Variants in OPCML observed in about 807,000 individuals in gnomAD.
OPCML encodes opioid binding protein/cell adhesion molecule like.
Under a neutral mutation model 37.8 loss-of-function variants are expected in OPCML, and 13 were observed. That is an observed-to-expected ratio of 0.34 (90% confidence interval 0.22 to 0.55). OPCML has a LOEUF of 0.55. OPCML is among the 20% of genes least tolerant of loss of function. The pLI, the probability that OPCML is intolerant of heterozygous loss-of-function variation, is 0.91. For missense variants in OPCML, 341 were observed against 435.6 expected (o/e 0.78, Z 1.93); for synonymous variants, 176 against 168.8 (o/e 1.04, Z -0.33).
At position 133,288,196 on chromosome 11, in the gene OPCML, C is replaced by CA. The variant is rs1485690521; in HGVS notation, c.61+244067dup. On this transcript the variant is annotated intron_variant, in intron 1 of 7. Transcript: ENST00000524381. ...CTGTCCTTCCACAGGCTAAGGCTGG[C>CA]ATGGAGAGAAGTGCTTTTAAAAGGC... is the stretch of plus-strand genomic sequence containing the variant. Among the ~76,000 whole-genome samples, 7 of 152,186 alleles carry CA rather than the reference C, an allele frequency of 4.6e-5. No homozygotes were observed. The South Asian group carries it at 8.3e-4, about 18-fold the overall frequency.
intron 3 of OPCML, among the ~76,000 whole-genome samples, chr11:132,604,257 CT>C (rs1565702903): frequency 6.7e-6 from 1 of 149,590 alleles, no homozygotes; most frequent in Non-Finnish European, 1.5e-5. Flanking sequence ...CAAATTATCC[CT>C]TGCTTCTTTG....
intron 1 of OPCML, among the ~76,000 whole-genome samples, chr11:133,263,222 T>C (rs1391241739): frequency 1.3e-5 from 2 of 152,116 alleles, no homozygotes; most frequent in Non-Finnish European, 2.9e-5. Context: ...TTGCGGGGAC[T>C]AAATTAAACA....
chr11:133,243,978 G>T (rs1315497050), intron 1 of OPCML, among the ~76,000 whole-genome samples: 5 of 152,142 alleles, frequency 3.3e-5, no homozygotes, highest in Non-Finnish European at 5.9e-5. Context: ...TTTGGGAGAG[G>T]GGTGGACATG....
At position 133,411,748 on chromosome 11, in the gene OPCML, C is replaced by T. The variant is rs201499460; in HGVS notation, c.61+120516G>A. ...AGCCAGTGAAGCCCAGGGTGTAGCT[C>T]GAAACCTCCGAGTCCCAGGTTTTTC... On this transcript the variant is annotated intron_variant, in intron 1 of 7. Coordinates refer to ENST00000524381, the MANE Select transcript of OPCML (RefSeq NM_001012393.5). 2.6e-5 allele frequency among the ~76,000 whole-genome samples: 4 copies of T among 152,244 alleles called. No homozygotes were observed. The East Asian group carries it at 7.7e-4, about 29-fold the overall frequency.
chr11:133,229,145 C>T (rs554944552), intron 1 of OPCML, among the ~76,000 whole-genome samples: 11 of 152,298 alleles, frequency 7.2e-5, no homozygotes, highest in Admixed American at 3.3e-4. Flanking sequence ...TGTTTAATTG[C>T]TTTTCTTTTG....
chr11:132,734,580 A>G (rs954642011), intron 2 of OPCML, among the ~76,000 whole-genome samples: 1 of 152,224 alleles, frequency 6.6e-6, no homozygotes, highest in Admixed American at 6.5e-5. Context: ...CAGCATCTTC[A>G]TGAGAAACTC....
At position 132,854,558 on chromosome 11, in the gene OPCML, T is replaced by C. The variant is rs74363834; in HGVS notation, c.146+88368A>G. Among the ~76,000 whole-genome samples the C allele has an allele frequency of 1.8e-4, 27 of 152,276 alleles. No individual in the cohort carries two copies. In the East Asian group the frequency reaches 2.1e-3, roughly 12 times the overall value. On this transcript the variant is annotated intron_variant, in intron 2 of 7. Coordinates refer to ENST00000524381, the MANE Select transcript of OPCML (RefSeq NM_001012393.5). ...AGCCCCCAGCCATCAGTCATCTCAT[T>C]AGCATGCAAAAGGACTCTTAGCACT... is the stretch of plus-strand genomic sequence containing the variant.
At chr11:132,931,443 A>C (rs1945198730) in intron 2 of OPCML, among the ~76,000 whole-genome samples, 1 of 152,208 alleles carries the variant, frequency 6.6e-6, no homozygotes, top group African/African-American at 2.4e-5. Flanking sequence ...CAATATCCAG[A>C]ATATATAAAA....
intron 4 of OPCML, among the ~76,000 whole-genome samples, chr11:132,494,270 T>A (rs2096224547): frequency 1.3e-5 from 2 of 152,370 alleles, no homozygotes; most frequent in East Asian, 3.9e-4. Context: ...CATCTGCTGC[T>A]ACTTATAATA....
chr11:133,045,479 G>C (rs1947990121), intron 1 of OPCML, among the ~76,000 whole-genome samples: 1 of 152,166 alleles, frequency 6.6e-6, no homozygotes, highest in South Asian at 2.1e-4. Flanking sequence ...CTCTGAAAAG[G>C]AGTGGCAGCT....
chr11:133,364,745 C>G (rs1329005075), intron 1 of OPCML, among the ~76,000 whole-genome samples: 1 of 152,082 alleles, frequency 6.6e-6, no homozygotes, highest in East Asian at 1.9e-4. Flanking sequence ...TAGAATACTG[C>G]CTGGCACTTA....
intron 1 of OPCML, among the ~76,000 whole-genome samples, chr11:132,973,374 A>C (rs1946384646): frequency 6.6e-6 from 1 of 152,136 alleles, no homozygotes; most frequent in Admixed American, 6.6e-5. Flanking sequence ...TCCCACCATG[A>C]TGCATCTTTG....
intron 3 of OPCML, among the ~76,000 whole-genome samples, chr11:132,578,581 T>C (rs1411978298): frequency 6.6e-6 from 1 of 152,330 alleles, no homozygotes; most frequent in East Asian, 1.9e-4. Context: ...GCCATCCTTG[T>C]TGAATGTAAC....
intron 1 of OPCML, among the ~76,000 whole-genome samples, chr11:133,041,294 G>C (rs145018847): frequency 6.6e-5 from 10 of 152,334 alleles, no homozygotes; most frequent in African/African-American, 2.4e-4. Context: ...CCCACAGTAA[G>C]TGTTCAATGT....
At chr11:133,221,261 C>T (rs1219419607) in intron 1 of OPCML, among the ~76,000 whole-genome samples, 2 of 152,194 alleles carry the variant, frequency 1.3e-5, no homozygotes, top group Non-Finnish European at 2.9e-5. Context: ...ATTCTGTCTG[C>T]AGAGTGACTT....
chr11:133,207,666 T>G (rs1317157788), intron 1 of OPCML, among the ~76,000 whole-genome samples: 3 of 152,214 alleles, frequency 2.0e-5, no homozygotes, highest in Non-Finnish European at 4.4e-5. Context: ...AAGAAATCGA[T>G]ATCTGAGATT....
intron 1 of OPCML, among the ~76,000 whole-genome samples, chr11:132,981,228 C>T (rs756304649): frequency 6.6e-6 from 1 of 152,176 alleles, no homozygotes; most frequent in Non-Finnish European, 1.5e-5. Flanking sequence ...AAAAGACAAT[C>T]ATTTTAGAAC....
chr11:133,086,984 TA>T (rs1178282468), intron 1 of OPCML, among the ~76,000 whole-genome samples: 3 of 152,312 alleles, frequency 2.0e-5, no homozygotes, highest in African/African-American at 7.2e-5. Flanking sequence ...AACCTAAGTA[TA>T]CACTTGAGCC....
intron 1 of OPCML, among the ~76,000 whole-genome samples, chr11:133,439,838 G>A (rs990689143): frequency 6.6e-6 from 1 of 151,932 alleles, no homozygotes; most frequent in African/African-American, 2.4e-5. Context: ...AATAAAATAT[G>A]AGCAAGTCCA....
Sources: allele counts gnomAD v4.1 joint callset (sites outside exome capture counted in the v4.1 genomes callset), GRCh38; gene constraint gnomAD v4.1.1; transcripts MANE v1.5; gene names NCBI Gene and HGNC (gene_info 2026-07-23, HGNC 2026-07-21).